The following ATP6V0E1 variants were observed in gnomAD, a reference collection of about 807,000 sequenced individuals.
ATP6V0E1 encodes V-type proton ATPase subunit e 1.
A neutral mutation model predicts 11.6 loss-of-function variants in ATP6V0E1; 4 were observed. The ratio of observed to expected loss-of-function variants is 0.35; its 90% CI spans 0.17 to 0.79. ATP6V0E1 has a LOEUF of 0.79. ATP6V0E1 is among the 30% of genes least tolerant of loss of function. The probability of loss-of-function intolerance (pLI) is 0.54; values close to 1 mark genes in which losing one functional copy is unlikely to be tolerated. For missense variants in ATP6V0E1, 105 were observed against 100.0 expected (o/e 1.05, Z -0.21); for synonymous variants, 36 against 34.8 (o/e 1.04, Z -0.13).
chr5:173,012,628 C>A (rs1158286464), intron 2 of ATP6V0E1, among the ~76,000 whole-genome samples: 2 of 151,926 alleles, frequency 1.3e-5, no homozygotes, highest in African/African-American at 4.8e-5. Context: ...GTGGCGCATG[C>A]CTGTAATCCC....
At chr5:173,029,645 C>T (rs1040695146) in intron 3 of ATP6V0E1, among the ~76,000 whole-genome samples, 2 of 152,120 alleles carry the variant, frequency 1.3e-5, no homozygotes, top group Non-Finnish European at 2.9e-5. Context: ...TCTCTGGGGC[C>T]TGCAGCAGGA....
intron 2 of ATP6V0E1, among the ~76,000 whole-genome samples, chr5:173,004,642 G>A (rs946189836): frequency 1.3e-5 from 2 of 152,124 alleles, no homozygotes; most frequent in African/African-American, 2.4e-5. Context: ...GTCCTGGGAG[G>A]TTTCAAATGC....
chr5:173,021,654 C>A (rs1396031390), intron 3 of ATP6V0E1, among the ~76,000 whole-genome samples: 1 of 152,094 alleles, frequency 6.6e-6, no homozygotes, highest in African/African-American at 2.4e-5. Context: ...CCCCCATGAC[C>A]CAAACACCTC....
intron 3 of ATP6V0E1, among the ~76,000 whole-genome samples, chr5:173,028,661 A>G (rs1401342236): frequency 6.6e-6 from 1 of 152,234 alleles, no homozygotes; most frequent in Non-Finnish European, 1.5e-5. Flanking sequence ...TCTTTCCTGA[A>G]TTGAAGAACC....
At chr5:172,986,801 G>C (rs955831476) in intron 1 of ATP6V0E1, 1 of 379,284 alleles carries the variant, frequency 2.6e-6, no homozygotes, top group Non-Finnish European at 5.0e-6. Context: ...TTGTTTGTTT[G>C]TTTTTGAGAC....
chr5:172,986,023 A>G (rs2113574993), intron 1 of ATP6V0E1, among the ~76,000 whole-genome samples: 1 of 152,348 alleles, frequency 6.6e-6, no homozygotes, highest in South Asian at 2.1e-4. Flanking sequence ...GTGTATCTAA[A>G]CATAGAAAAG....
rs1429395753 is a variant in ATP6V0E1 at position 173,024,989 on chromosome 5, T to C, written c.*36+4622T>C. 2.7e-5 allele frequency among the ~76,000 whole-genome samples: 4 copies of C among 150,936 alleles called. No homozygotes were observed. The East Asian group carries it at 7.8e-4, about 29-fold the overall frequency. Reference sequence around the variant, plus strand: ...TCCCAAGTAGCTGGGATTACAGGTGTGCGCCACCACGCCTGGCTAATTTTT... The same window carrying C: ...TCCCAAGTAGCTGGGATTACAGGTGCGCGCCACCACGCCTGGCTAATTTTT... On this transcript the variant is annotated intron_variant, in intron 3 of 3. Transcript: ENST00000519374.
chr5:173,034,430 A>G lies in ATP6V0E1; in HGVS notation c.*68A>G. On this transcript the variant is annotated 3_prime_UTR_variant, in exon 4 of 4. Coordinates refer to ENST00000519374, the MANE Select transcript of ATP6V0E1 (RefSeq NM_003945.4). ...AGAAGAGAATGCCTTCTAGATGCAA[A>G]ATCACCTCCAAACCAGACCACTTTT... The G allele has an allele frequency of 1.4e-6, 1 of 702,984 alleles. No individual in the cohort carries two copies. The highest frequency in any genetic ancestry group is 2.6e-6 in the Non-Finnish European group (1 of 384,990). The allele number at this position is 702,984 out of a possible 1,614,324, so 43.5% of individuals were successfully genotyped here.
intron 3 of ATP6V0E1, among the ~76,000 whole-genome samples, chr5:173,022,495 T>G (rs1213684717): frequency 6.6e-6 from 1 of 152,220 alleles, no homozygotes. Flanking sequence ...TTGTTTTTAA[T>G]TGAGACAGAA....
intron 1 of ATP6V0E1, among the ~76,000 whole-genome samples, chr5:172,994,036 G>A (rs991900909): frequency 3.9e-5 from 6 of 152,096 alleles, no homozygotes; most frequent in Non-Finnish European, 5.9e-5. Flanking sequence ...GAAGGAGAAG[G>A]AGAAAAGTTT....
chr5:172,999,927 TG>T (rs1427876368), intron 2 of ATP6V0E1, among the ~76,000 whole-genome samples: 2 of 152,170 alleles, frequency 1.3e-5, no homozygotes. Context: ...GAGTGAAAAA[TG>T]TGGACGGAAT....
intron 2 of ATP6V0E1, among the ~76,000 whole-genome samples, chr5:173,001,469 C>G (rs780913379): frequency 6.6e-6 from 1 of 152,152 alleles, no homozygotes. Flanking sequence ...TCACATGTCT[C>G]GGAATTTGCA....
At chr5:173,025,774 AGGTGTG>A in intron 3 of ATP6V0E1, among the ~76,000 whole-genome samples, 1 of 152,030 alleles carries the variant, frequency 6.6e-6, no homozygotes, top group East Asian at 1.9e-4. Context: ...CTGGGATTAC[AGGTGTG>A]GGCCTCCATG....
At chr5:172,994,282 A>G (rs1756029405) in intron 1 of ATP6V0E1, among the ~76,000 whole-genome samples, 1 of 152,172 alleles carries the variant, frequency 6.6e-6, no homozygotes, top group African/African-American at 2.4e-5. Flanking sequence ...GGGAGCTTTT[A>G]GAAAAGAGAT....
chr5:173,000,913 C>T (rs988562342), intron 2 of ATP6V0E1, among the ~76,000 whole-genome samples: 9 of 152,056 alleles, frequency 5.9e-5, no homozygotes, highest in Non-Finnish European at 5.9e-5. Flanking sequence ...GTTGGCCAGG[C>T]TGGTCTCGAA....
intron 2 of ATP6V0E1, among the ~76,000 whole-genome samples, chr5:173,006,499 A>T (rs1756232781): frequency 6.6e-6 from 1 of 151,948 alleles, no homozygotes; most frequent in Non-Finnish European, 1.5e-5. Context: ...AGTCCCAGCG[A>T]CTCGGGAGGC....
intron 1 of ATP6V0E1, among the ~76,000 whole-genome samples, chr5:172,990,671 A>G (rs1755965329): frequency 6.6e-6 from 1 of 151,928 alleles, no homozygotes; most frequent in Non-Finnish European, 1.5e-5. Context: ...TACTAAAAAT[A>G]CAAAAATTAG....
intron 3 of ATP6V0E1, among the ~76,000 whole-genome samples, chr5:173,030,932 T>C (rs1756640038): frequency 1.3e-5 from 2 of 149,726 alleles, no homozygotes; most frequent in South Asian, 4.2e-4. Context: ...TATTTATTTA[T>C]TTATTTATTT....
At chr5:173,032,668 G>A (rs1756682622) in intron 3 of ATP6V0E1, among the ~76,000 whole-genome samples, 1 of 152,088 alleles carries the variant, frequency 6.6e-6, no homozygotes, top group South Asian at 2.1e-4. Context: ...CAAAAGTGAA[G>A]GCTTATTTTT....
Sources: gnomAD v4.1 joint callset for allele counts (sites outside exome capture counted in the v4.1 genomes callset) on GRCh38, gnomAD v4.1.1 for gene constraint, MANE v1.5 for transcripts, NCBI Gene and HGNC (gene_info 2026-07-23, HGNC 2026-07-21) for gene names.